WASHC4: variants seen among roughly 807,000 people sequenced by gnomAD.
WASHC4 encodes the protein WASH complex subunit 7.
A neutral mutation model predicts 166.6 loss-of-function variants in WASHC4; 86 were observed. The observed-to-expected ratio is 0.52, with a 90% CI of 0.43 to 0.62. The LOEUF is 0.62. Among genes scored for constraint, WASHC4 ranks in the 20% least tolerant of loss-of-function variants. The pLI, the probability that WASHC4 is intolerant of heterozygous loss-of-function variation, is 0.00. For missense variants in WASHC4, 1,262 were observed against 1,382.4 expected (o/e 0.91, Z 1.38); for synonymous variants, 446 against 451.6 (o/e 0.99, Z 0.16).
At chr12:105,119,800 CTTG>C (rs1880554379) in intron 7 of WASHC4, among the ~76,000 whole-genome samples, 1 of 152,168 alleles carries the variant, frequency 6.6e-6, no homozygotes, top group South Asian at 2.1e-4. Flanking sequence ...CTATTTAAAA[CTTG>C]TTGAGCAAAA....
chr12:105,144,915 C>G, intron 22 of WASHC4, 43 bp downstream of exon 22: 1 of 1,571,850 alleles, frequency 6.4e-7, no homozygotes, highest in Non-Finnish European at 8.7e-7. Context: ...TGACTGTTGG[C>G]TGTAACAGTA....
At chr12:105,109,060 C>T (rs1488458676) in intron 1 of WASHC4, among the ~76,000 whole-genome samples, 3 of 152,040 alleles carry the variant, frequency 2.0e-5, no homozygotes, top group Non-Finnish European at 2.9e-5. Flanking sequence ...CGCTTGAACC[C>T]GGCAGGCGGA....
Position 105,142,571 on chromosome 12 carries a change from C to T in WASHC4, c.1893+13C>T, listed in dbSNP as rs968246824. 2 of 1,319,106 alleles carry T rather than the reference C, an allele frequency of 1.5e-6. No homozygotes were observed. Among genetic ancestry groups the T allele is most frequent in the Non-Finnish European group, 1.1e-6 (1 of 914,692 alleles). 81.7% of individuals were successfully genotyped at this position (1,319,106 alleles called of 1,614,324 possible). On this transcript the variant is annotated intron_variant, in intron 19 of 32. Transcript: ENST00000332180. ...AGCCAGATTACATGTAAGTAAAGAA[C>T]AATATAAAGAATAATTCTATCATTT...
chr12:105,131,232 G>A (rs1233990669), intron 13 of WASHC4, among the ~76,000 whole-genome samples: 14 of 150,684 alleles, frequency 9.3e-5, no homozygotes, highest in African/African-American at 2.9e-4. Context: ...GACTACAGGC[G>A]CCCGCCACCG....
chr12:105,122,953 A>G (rs915478439), intron 10 of WASHC4, among the ~76,000 whole-genome samples: 53 of 152,162 alleles, frequency 3.5e-4, no homozygotes, highest in African/African-American at 1.2e-3. Flanking sequence ...GTTCAAACGA[A>G]AAGAAGAGTT....
chr12:105,116,882 C>T (rs557045646), intron 6 of WASHC4, among the ~76,000 whole-genome samples: 40 of 152,116 alleles, frequency 2.6e-4, no homozygotes, highest in Non-Finnish European at 5.0e-4. Flanking sequence ...TTGGGATTGC[C>T]AGGATCTGGG....
At chr12:105,138,608 T>A (rs1882524734) in intron 15 of WASHC4, among the ~76,000 whole-genome samples, 1 of 152,146 alleles carries the variant, frequency 6.6e-6, no homozygotes. Flanking sequence ...GAAAGTCCAG[T>A]TAACCTTTTG....
rs1320514831 is a variant in WASHC4 at position 105,120,566 on chromosome 12, A to G, written c.530A>G (p.Lys177Arg). The G allele has an allele frequency of 2.5e-6, 4 of 1,602,346 alleles. No individual in the cohort carries two copies. Among genetic ancestry groups the G allele is most frequent in the East Asian group, 2.2e-5 (1 of 44,738 alleles). The change falls in exon 8 of 33, where the codon AAA becomes AGA. Residue 177 changes from lysine (K) to arginine (R), a missense_variant. Transcript: ENST00000332180. ...TTATTTTATTATAGGATTGCACCCAAAATTATAGAGACAACTGGAGTTCAT... is the reference window on the plus strand; with the variant it reads ...TTATTTTATTATAGGATTGCACCCAGAATTATAGAGACAACTGGAGTTCAT... ...ALYISNKIAP[K>R]IIETTGVHFQ...
chr12:105,123,109 T>C (rs1880933639), intron 10 of WASHC4, among the ~76,000 whole-genome samples: 1 of 151,528 alleles, frequency 6.6e-6, no homozygotes, highest in African/African-American at 2.4e-5. Flanking sequence ...AGGTCAGGAG[T>C]TCAAGACCAG....
At chr12:105,109,649 CT>C (rs36080234) in intron 1 of WASHC4, among the ~76,000 whole-genome samples, 17,796 of 97,282 alleles carry the variant, frequency 0.18, 832 homozygotes, top group Middle Eastern at 0.24. Context: ...CTAGCATTGT[CT>C]TTTTTTTTTT....
chr12:105,150,085 C>T (rs1382590523), intron 25 of WASHC4, among the ~76,000 whole-genome samples: 2 of 152,076 alleles, frequency 1.3e-5, no homozygotes, highest in African/African-American at 4.8e-5. Context: ...AGTGTGATGG[C>T]TTTCAGATAT....
intron 24 of WASHC4, chr12:105,147,990 A>G: frequency 2.0e-6 from 2 of 985,390 alleles, no homozygotes; most frequent in Non-Finnish European, 2.4e-6. Flanking sequence ...TGTCTGTGGA[A>G]AAAGAGAAGT....
At chr12:105,149,031 C>G (rs1481424656) in intron 24 of WASHC4, 1 of 976,924 alleles carries the variant, frequency 1.0e-6, no homozygotes. Flanking sequence ...ATTTATTTAA[C>G]AATACTTGTT....
At position 105,164,663 on chromosome 12, in the gene WASHC4, C is replaced by T; in HGVS notation, c.3377C>T (p.Ser1126Leu). Residue 1126 changes from serine to leucine, a missense_variant, in exon 32 of 33, where the codon TCA becomes TTA. Ser to Leu is a moderately radical substitution (Grantham distance 145, BLOSUM62 -2). Transcript: ENST00000332180. ...YLQEFELLYF[S>L]LSSARIFFRA... Reference sequence around the variant, plus strand: ...TAGGAATTTGAATTGCTGTATTTCTCACTGAGCAGTGCAAGAATTTTCTTC... The same window carrying T: ...TAGGAATTTGAATTGCTGTATTTCTTACTGAGCAGTGCAAGAATTTTCTTC... 1.2e-6 allele frequency: 2 copies of T among 1,612,524 alleles called. No homozygotes were observed. Among genetic ancestry groups the T allele is most frequent in the East Asian group, 2.2e-5 (1 of 44,804 alleles).
intron 24 of WASHC4, chr12:105,147,994 G>A: frequency 1.0e-6 from 1 of 985,232 alleles, no homozygotes; most frequent in Non-Finnish European, 1.2e-6. Context: ...TGTGGAAAAA[G>A]AGAAGTCTTT....
chr12:105,161,701 A>G (rs1884506352), intron 29 of WASHC4, among the ~76,000 whole-genome samples: 1 of 152,268 alleles, frequency 6.6e-6, no homozygotes, highest in Non-Finnish European at 1.5e-5. Flanking sequence ...TTAATGATTG[A>G]TAAAAAATTC....
chr12:105,145,835 A>T (rs1883246414), intron 22 of WASHC4, among the ~76,000 whole-genome samples: 1 of 152,116 alleles, frequency 6.6e-6, no homozygotes, highest in African/African-American at 2.4e-5. Context: ...AGAATGAAGG[A>T]TTCTTAATAG....
In WASHC4 at chr12:105,122,350, A is replaced by C. The variant is rs1205745208; in HGVS notation, c.786+112A>C. ...CTGTTGAATATAATTTTCTTTAAAA[A>C]GTGCTTTGGCTTAAAATTATTGTTA... On this transcript the variant is annotated intron_variant, in intron 10 of 32. Transcript: ENST00000332180. 3.4e-6 allele frequency: 4 copies of C among 1,180,464 alleles called. No individual in the cohort carries two copies. The African/African-American group carries it at 6.2e-5, about 18-fold the overall frequency. 73.1% of individuals were successfully genotyped at this position (1,180,464 alleles called of 1,614,324 possible). A position where few individuals can be genotyped will look rare whatever the true frequency, so the allele number is the denominator to read the frequency against.
chr12:105,165,288 A>G (rs1209801671), intron 32 of WASHC4, among the ~76,000 whole-genome samples: 1 of 152,222 alleles, frequency 6.6e-6, no homozygotes, highest in East Asian at 1.9e-4. Flanking sequence ...GATTCTGTCC[A>G]TTGTATTCTA....
Sources: allele counts gnomAD v4.1 joint callset (sites outside exome capture counted in the v4.1 genomes callset), GRCh38; gene constraint gnomAD v4.1.1; transcripts MANE v1.5; gene names NCBI Gene and HGNC (gene_info 2026-07-23, HGNC 2026-07-21).